The following IQCM variants were observed in gnomAD, a reference collection of about 807,000 sequenced individuals.
IQCM encodes the protein IQ motif containing M.
IQCM carries 45 observed loss-of-function variants against 57.6 expected under a neutral mutation model. That is an observed-to-expected ratio of 0.78 (90% CI 0.62 to 1.00). The LOEUF is 1.00. IQCM is among the 50% of genes least tolerant of loss of function. The pLI, the probability that IQCM is intolerant of heterozygous loss-of-function variation, is 0.00. For missense variants in IQCM, 468 were observed against 511.6 expected (o/e 0.91, Z 0.82); for synonymous variants, 148 against 158.9 (o/e 0.93, Z 0.51).
rs1580074930 is a variant in IQCM, at chr4:149,707,242, T to C, written c.386-20774A>G. Among the ~76,000 whole-genome samples, 3 of 152,072 alleles carry C rather than the reference T, an allele frequency of 2.0e-5. No individual in the cohort carries two copies. In the South Asian group the frequency reaches 6.2e-4, roughly 31 times the overall value. On this transcript the variant is annotated intron_variant, in intron 5 of 13. Coordinates refer to ENST00000636793, the MANE Select transcript of IQCM (RefSeq NM_001363507.2). The stretch of plus-strand genomic sequence containing the variant: ...CTATGCTGCAGTGCCTGCCATGTCA[T>C]TTATTTGTGATTTTAGCTTCTTATT...
At chr4:149,369,106 A>G (rs1730185165) in intron 13 of IQCM, among the ~76,000 whole-genome samples, 1 of 146,320 alleles carries the variant, frequency 6.8e-6, no homozygotes, top group African/African-American at 2.5e-5. Flanking sequence ...GTGCAATGGC[A>G]CGATCTCAGC....
At chr4:149,560,709 C>T in intron 10 of IQCM, among the ~76,000 whole-genome samples, 1 of 152,074 alleles carries the variant, frequency 6.6e-6, no homozygotes. Flanking sequence ...TTCACTATTT[C>T]CAAAGAATTT....
At chr4:149,671,378 A>T (rs1253397352) in intron 7 of IQCM, among the ~76,000 whole-genome samples, 1 of 151,578 alleles carries the variant, frequency 6.6e-6, no homozygotes, top group East Asian at 1.9e-4. Context: ...TCTCTTCTTT[A>T]TTAGTCTTGC....
intron 5 of IQCM, among the ~76,000 whole-genome samples, chr4:149,689,325 T>C (rs1299366174): frequency 6.6e-6 from 1 of 151,862 alleles, no homozygotes; most frequent in Non-Finnish European, 1.5e-5. Flanking sequence ...AACCAAACAC[T>C]GCATGTTCTC....
At chr4:149,404,782 A>T (rs1357738164) in intron 13 of IQCM, among the ~76,000 whole-genome samples, 1 of 152,126 alleles carries the variant, frequency 6.6e-6, no homozygotes, top group East Asian at 1.9e-4. Context: ...AAATATGTAT[A>T]CAAATATAAG....
At chr4:149,461,564 G>A (rs1738287518) in intron 12 of IQCM, among the ~76,000 whole-genome samples, 2 of 151,620 alleles carry the variant, frequency 1.3e-5, no homozygotes, top group East Asian at 1.9e-4. Flanking sequence ...TAAGCTGGGA[G>A]GACTGCTTGG....
At chr4:149,431,964 T>A (rs1734910905) in intron 13 of IQCM, among the ~76,000 whole-genome samples, 1 of 151,058 alleles carries the variant, frequency 6.6e-6, no homozygotes, top group Non-Finnish European at 1.5e-5. Flanking sequence ...TATGTGTGTG[T>A]ACGTATATAT....
At chr4:149,619,530 C>A (rs959043219) in intron 8 of IQCM, among the ~76,000 whole-genome samples, 1 of 151,980 alleles carries the variant, frequency 6.6e-6, no homozygotes, top group African/African-American at 2.4e-5. Flanking sequence ...AAATTTGACT[C>A]ACAAGGAATT....
intron 12 of IQCM, among the ~76,000 whole-genome samples, chr4:149,438,435 G>C (rs944312163): frequency 8.5e-5 from 13 of 152,070 alleles, no homozygotes; most frequent in African/African-American, 3.1e-4. Context: ...TTTCATATGT[G>C]AGTTTGAAGT....
chr4:149,612,900 T>C (rs536001057), intron 8 of IQCM, among the ~76,000 whole-genome samples: 25 of 152,192 alleles, frequency 1.6e-4, no homozygotes, highest in Non-Finnish European at 2.9e-4. Context: ...AATTAACTAC[T>C]GGAATGCTAT....
intron 12 of IQCM, among the ~76,000 whole-genome samples, chr4:149,462,760 G>A (rs562492392): frequency 6.6e-6 from 1 of 152,314 alleles, no homozygotes; most frequent in African/African-American, 2.4e-5. Context: ...AATTCTCAGA[G>A]CTGGGTTTAC....
At chr4:149,677,315 G>A (rs112400283) in intron 7 of IQCM, among the ~76,000 whole-genome samples, 7 of 152,190 alleles carry the variant, frequency 4.6e-5, no homozygotes, top group African/African-American at 1.7e-4. Flanking sequence ...AATAAGAGTG[G>A]CTTTTAAGCA....
chr4:149,631,214 T>C (rs567609886), intron 7 of IQCM, among the ~76,000 whole-genome samples: 41 of 152,304 alleles, frequency 2.7e-4, no homozygotes, highest in Admixed American at 2.1e-3. Context: ...CCTTTCTGAC[T>C]CCACTGGGAG....
rs558989026 is a variant in IQCM at position 149,439,795 on chromosome 4, T to A, written c.1229-6238A>T. ...AGTTACATTTGTGAGAGTAATACAA[T>A]AACACAAAAAATTCTTAAAATTTAA... On this transcript the variant is annotated intron_variant, in intron 12 of 13. Coordinates refer to ENST00000636793, the MANE Select transcript of IQCM (RefSeq NM_001363507.2). Among the ~76,000 whole-genome samples, 74 of 152,140 alleles carry A rather than the reference T, an allele frequency of 4.9e-4. 1 individual carries two copies. In the South Asian group the frequency reaches 0.015, roughly 31 times the overall value.
intron 6 of IQCM, among the ~76,000 whole-genome samples, chr4:149,684,611 T>A (rs558145523): frequency 6.6e-6 from 1 of 151,566 alleles, no homozygotes; most frequent in Non-Finnish European, 1.5e-5. Context: ...GATTATATTA[T>A]CTTTTCTTCT....
At chr4:149,662,625 C>A (rs1265023104) in intron 7 of IQCM, among the ~76,000 whole-genome samples, 2 of 151,824 alleles carry the variant, frequency 1.3e-5, no homozygotes, top group African/African-American at 4.8e-5. Flanking sequence ...TTGTTACATC[C>A]TCTTGTTGAG....
chr4:149,483,626 G>A (rs984448702), intron 12 of IQCM, among the ~76,000 whole-genome samples: 2 of 151,958 alleles, frequency 1.3e-5, no homozygotes, highest in Non-Finnish European at 2.9e-5. Flanking sequence ...ATTGTGGGAA[G>A]AGAAGATGCT....
intron 12 of IQCM, among the ~76,000 whole-genome samples, chr4:149,543,655 C>T (rs546229964): frequency 1.8e-4 from 27 of 151,278 alleles, no homozygotes; most frequent in Non-Finnish European, 2.9e-4. Flanking sequence ...GTGGGTGCAG[C>T]GCACCAGCAT....
At chr4:149,814,968 G>A (rs13434450) in intron 2 of IQCM, among the ~76,000 whole-genome samples, 12,504 of 151,902 alleles carry the variant, frequency 0.082, 1,350 homozygotes, top group African/African-American at 0.24. Context: ...TAGTAATGGC[G>A]TTGATTTACA....
Sources: gnomAD v4.1 joint callset for allele counts (sites outside exome capture counted in the v4.1 genomes callset) on GRCh38, gnomAD v4.1.1 for gene constraint, MANE v1.5 for transcripts, NCBI Gene and HGNC (gene_info 2026-07-23, HGNC 2026-07-21) for gene names.